Variants in GK5 observed in about 807,000 individuals in gnomAD.
The protein encoded by GK5 is ATP:glycerol 3-phosphotransferase 5.
A neutral mutation model predicts 77.3 loss-of-function variants in GK5; 39 were observed. The ratio of observed to expected loss-of-function variants is 0.50; its 90% CI spans 0.39 to 0.66. The LOEUF is 0.66. GK5 is among the 30% of genes least tolerant of loss of function. The probability of loss-of-function intolerance (pLI) is 0.00; values close to 1 mark genes in which losing one functional copy is unlikely to be tolerated. For synonymous variants in GK5, 211 were observed against 208.0 expected (o/e 1.01, Z -0.13); for missense variants, 487 against 633.8 (o/e 0.77, Z 2.49).
rs1171447258 is a variant in GK5 at position 142,222,692 on chromosome 3, G to A, written c.147+2617C>T. On this transcript the variant is annotated intron_variant, in intron 1 of 15. Transcript: ENST00000392993. Reference sequence around the variant, plus strand: ...GGAAGCTGAGGCAGGAGGATTGCTTGAGCCCAGGAGTTCAAGGTTGCAGTG... The same window carrying A: ...GGAAGCTGAGGCAGGAGGATTGCTTAAGCCCAGGAGTTCAAGGTTGCAGTG... Among the ~76,000 whole-genome samples, 4 of 152,264 alleles carry A rather than the reference G, an allele frequency of 2.6e-5. No homozygotes were observed. In the East Asian group the frequency reaches 7.7e-4, roughly 29 times the overall value.
At chr3:142,187,823 TACTA>T (rs1035399646) in intron 5 of GK5, 44 bp from the exon 6 acceptor site, 2 of 1,399,596 alleles carry the variant, frequency 1.4e-6, no homozygotes, top group Non-Finnish European at 2.0e-6. Context: ...AAGGCTAAAT[TACTA>T]AGTGCATGAT....
rs1381538573 is a variant in GK5 at position 142,225,238 on chromosome 3, C to T, written c.147+71G>A. On this transcript the variant is annotated intron_variant, in intron 1 of 15. Coordinates refer to ENST00000392993, the MANE Select transcript of GK5 (RefSeq NM_001039547.3). ...CGGTAGGTGGGGCCTGCCCGCTCGC[C>T]TCCCGAGGCCGGACCCCGGGACTCA... 9.1e-6 allele frequency: 13 copies of T among 1,424,382 alleles called. No homozygotes were observed. In the Admixed American group the frequency reaches 3.4e-4, roughly 38 times the overall value. The allele number at this position is 1,424,382 out of a possible 1,614,324, so 88.2% of individuals were successfully genotyped here.
In GK5 at chr3:142,159,853, C is replaced by CTTTTTTTTTTTTTTTTTTTTTTT. The variant is rs748129972; in HGVS notation, c.*5768_*5769insAAAAAAAAAAAAAAAAAAAAAAA. On this transcript the variant is annotated 3_prime_UTR_variant, in exon 16 of 16. Coordinates refer to ENST00000392993, the MANE Select transcript of GK5 (RefSeq NM_001039547.3). ...TTTCTCTCTCTCTCTCTCTCTCTCT[C>CTTTTTTTTTTTTTTTTTTTTTTT]TTTTTTTTTTTTGAGACAGAGTCTC... 137 of 106,062 alleles carry CTTTTTTTTTTTTTTTTTTTTTTT rather than the reference C, an allele frequency of 1.3e-3. 3 individuals are homozygous for CTTTTTTTTTTTTTTTTTTTTTTT. Among genetic ancestry groups the CTTTTTTTTTTTTTTTTTTTTTTT allele is most frequent in the Middle Eastern group, 4.5e-3 (1 of 224 alleles). 6.6% of individuals were successfully genotyped at this position (106,062 alleles called of 1,614,324 possible).
chr3:142,167,627 T>C (rs1317380936), intron 15 of GK5, among the ~76,000 whole-genome samples: 1 of 152,246 alleles, frequency 6.6e-6, no homozygotes, highest in Non-Finnish European at 1.5e-5. Flanking sequence ...AGGATATACA[T>C]AGTCTCACAT....
At chr3:142,209,282 A>T (rs777289090) in intron 3 of GK5, among the ~76,000 whole-genome samples, 3 of 152,218 alleles carry the variant, frequency 2.0e-5, no homozygotes, top group Non-Finnish European at 2.9e-5. Flanking sequence ...AGAAGTATGA[A>T]CATTCCCAAC....
intron 2 of GK5, 85 bp downstream of exon 2, chr3:142,215,514 G>GA: frequency 1.4e-6 from 1 of 692,908 alleles, no homozygotes; most frequent in Non-Finnish European, 2.5e-6. Flanking sequence ...TATAACTTAG[G>GA]AAAACCACAA....
chr3:142,203,958 C>T (rs974315940), intron 4 of GK5, among the ~76,000 whole-genome samples: 4 of 152,124 alleles, frequency 2.6e-5, no homozygotes, highest in African/African-American at 9.7e-5. Flanking sequence ...CATGATGTTG[C>T]TATTGTCACT....
At chr3:142,202,763 C>T (rs2064046002) in intron 4 of GK5, among the ~76,000 whole-genome samples, 1 of 152,234 alleles carries the variant, frequency 6.6e-6, no homozygotes, top group South Asian at 2.1e-4. Context: ...TCAAGACCAA[C>T]CTGACCAACA....
intron 11 of GK5, among the ~76,000 whole-genome samples, chr3:142,178,714 A>G (rs1441888110): frequency 6.6e-6 from 1 of 152,220 alleles, no homozygotes; most frequent in Non-Finnish European, 1.5e-5. Flanking sequence ...ATAGAAACAG[A>G]TCCCAATGAA....
intron 1 of GK5, 119 bp downstream of exon 1, chr3:142,225,190 G>T: frequency 9.0e-7 from 1 of 1,111,988 alleles, no homozygotes; most frequent in Non-Finnish European, 1.2e-6. Context: ...GCCCGCGGGT[G>T]CTGCAGGTGG....
intron 5 of GK5, among the ~76,000 whole-genome samples, chr3:142,198,570 C>A (rs765781120): frequency 2.0e-5 from 3 of 152,340 alleles, no homozygotes; most frequent in Non-Finnish European, 4.4e-5. Context: ...GCCGAGATCA[C>A]GCCATTGCAC....
intron 5 of GK5, among the ~76,000 whole-genome samples, chr3:142,193,049 G>A (rs931886672): frequency 6.6e-6 from 1 of 152,090 alleles, no homozygotes; most frequent in Non-Finnish European, 1.5e-5. Flanking sequence ...TTTCAGGACA[G>A]TGAAACTACA....
At chr3:142,208,723 C>T (rs935681488) in intron 3 of GK5, among the ~76,000 whole-genome samples, 41 of 152,140 alleles carry the variant, frequency 2.7e-4, no homozygotes, top group African/African-American at 9.9e-4. Context: ...CCAATTTGTA[C>T]CAGGAGTTGG....
At chr3:142,178,579 C>CTGT (rs1441892616) in intron 11 of GK5, among the ~76,000 whole-genome samples, 1 of 152,324 alleles carries the variant, frequency 6.6e-6, no homozygotes, top group East Asian at 1.9e-4. Context: ...TTCATTCACA[C>CTGT]TGTTACATGT....
rs2063407713 is a variant in GK5, at chr3:142,159,440, G to A, written c.*6182C>T. On this transcript the variant is annotated 3_prime_UTR_variant, in exon 16 of 16. Transcript: ENST00000392993. ...ATTTATAGTAAAGTGGGGAAAGACA[G>A]TAGAAATAGAATAACAGAGAATTTC... 1 of 152,184 alleles carries A rather than the reference G, an allele frequency of 6.6e-6. No homozygotes were observed. The highest frequency in any genetic ancestry group is 1.5e-5 in the Non-Finnish European group (1 of 68,034). The allele number at this position is 152,184 out of a possible 1,614,324, so 9.4% of individuals were successfully genotyped here.
At chr3:142,193,844 GATTCTCCTGCCTCAGCCTC>G (rs2063890548) in intron 5 of GK5, among the ~76,000 whole-genome samples, 1 of 152,104 alleles carries the variant, frequency 6.6e-6, no homozygotes, top group African/African-American at 2.4e-5. Context: ...CAGTTCAAGT[GATTCTCCTGCCTCAGCCTC>G]CCACATAGCT....
chr3:142,186,587 A>T (rs1577121252), intron 6 of GK5, 74 bp from the exon 7 acceptor site: 3 of 603,408 alleles, frequency 5.0e-6, no homozygotes, highest in Non-Finnish European at 8.4e-6. Flanking sequence ...TATATAATAT[A>T]GACCTTTGTC....
chr3:142,218,287 C>CT (rs1162550498), intron 1 of GK5, among the ~76,000 whole-genome samples: 1 of 148,580 alleles, frequency 6.7e-6, no homozygotes, highest in African/African-American at 2.5e-5. Context: ...AATCCCAGCA[C>CT]TTTGGGAGGC....
At chr3:142,194,460 AG>A (rs993267900) in intron 5 of GK5, among the ~76,000 whole-genome samples, 1 of 151,574 alleles carries the variant, frequency 6.6e-6, no homozygotes, top group African/African-American at 2.4e-5. Context: ...TGGGACGCAG[AG>A]GTTACAGTAA....
Sources: allele counts gnomAD v4.1 joint callset (sites outside exome capture counted in the v4.1 genomes callset), GRCh38; gene constraint gnomAD v4.1.1; transcripts MANE v1.5; gene names NCBI Gene and HGNC (gene_info 2026-07-23, HGNC 2026-07-21).